Variants in PTPRD observed in about 807,000 individuals in gnomAD.
The protein encoded by PTPRD is receptor-type tyrosine-protein phosphatase delta.
A neutral mutation model predicts 214.5 loss-of-function variants in PTPRD; 34 were observed. That is an observed-to-expected ratio of 0.16 (90% CI 0.12 to 0.21). The LOEUF is 0.21. PTPRD is among the 10% of genes least tolerant of loss of function. PTPRD has a pLI of 1.00. For synonymous variants in PTPRD, 1,128 were observed against 845.7 expected (o/e 1.33, Z -5.79); for missense variants, 2,545 against 2,398.7 (o/e 1.06, Z -1.27).
chr9:9,379,868 G>A (rs912839149), intron 9 of PTPRD, among the ~76,000 whole-genome samples: 1 of 151,796 alleles, frequency 6.6e-6, no homozygotes. Context: ...ATTACCTTTT[G>A]TATCTTAACC....
chr9:9,632,311 T>A (rs1483036589), intron 7 of PTPRD, among the ~76,000 whole-genome samples: 1 of 152,150 alleles, frequency 6.6e-6, no homozygotes, highest in Non-Finnish European at 1.5e-5. Context: ...ATAGGCTGTA[T>A]ATAAATGATT....
intron 4 of PTPRD, among the ~76,000 whole-genome samples, chr9:10,009,395 G>C (rs184122861): frequency 6.6e-6 from 1 of 151,856 alleles, no homozygotes; most frequent in Non-Finnish European, 1.5e-5. Flanking sequence ...GCACGGGTTC[G>C]GTCCAGAAAG....
chr9:9,807,798 T>C (rs2045905515), intron 5 of PTPRD, among the ~76,000 whole-genome samples: 1 of 152,192 alleles, frequency 6.6e-6, no homozygotes, highest in Non-Finnish European at 1.5e-5. Context: ...CTAACATCAT[T>C]AGGGAACTGC....
At chr9:9,917,786 A>C (rs1051000473) in intron 5 of PTPRD, among the ~76,000 whole-genome samples, 1 of 152,130 alleles carries the variant, frequency 6.6e-6, no homozygotes, top group Admixed American at 6.6e-5. Flanking sequence ...GGATGGATTA[A>C]CATGCAAATC....
chr9:9,807,127 G>T (rs138808186), intron 5 of PTPRD, among the ~76,000 whole-genome samples: 1 of 151,886 alleles, frequency 6.6e-6, no homozygotes, highest in Non-Finnish European at 1.5e-5. Context: ...TTTCACTCCC[G>T]CTGCAAAACT....
chr9:9,857,853 T>A (rs1209403039), intron 5 of PTPRD, among the ~76,000 whole-genome samples: 1 of 152,166 alleles, frequency 6.6e-6, no homozygotes, highest in African/African-American at 2.4e-5. Context: ...ATAAGTCTGG[T>A]TGAAGAAAGA....
intron 17 of PTPRD, among the ~76,000 whole-genome samples, chr9:8,525,539 T>C (rs1274355870): frequency 2.0e-5 from 3 of 152,044 alleles, no homozygotes; most frequent in African/African-American, 7.2e-5. Flanking sequence ...AAAATTAAAA[T>C]TAGTCATTAT....
chr9:9,837,094 A>T (rs2056983841), intron 5 of PTPRD, among the ~76,000 whole-genome samples: 1 of 152,132 alleles, frequency 6.6e-6, no homozygotes, highest in African/African-American at 2.4e-5. Flanking sequence ...TGTTATGTGT[A>T]TTAGAGTAAA....
intron 10 of PTPRD, among the ~76,000 whole-genome samples, chr9:9,053,745 G>T (rs1240305119): frequency 1.3e-5 from 2 of 152,062 alleles, no homozygotes; most frequent in East Asian, 3.9e-4. Context: ...TATTAGCCTG[G>T]GTTGTAGTGT....
At chr9:8,810,703 T>G (rs2096784762) in intron 11 of PTPRD, among the ~76,000 whole-genome samples, 1 of 152,190 alleles carries the variant, frequency 6.6e-6, no homozygotes, top group African/African-American at 2.4e-5. Flanking sequence ...CTATTTGAAT[T>G]TTGGTTACCC....
At chr9:10,434,469 T>C (rs1156671551) in intron 2 of PTPRD, among the ~76,000 whole-genome samples, 6 of 152,030 alleles carry the variant, frequency 3.9e-5, no homozygotes, top group Non-Finnish European at 7.4e-5. Context: ...TAGCTCTCCA[T>C]CTTATATTTA....
chr9:8,918,670 G>A (rs1489883288), intron 11 of PTPRD, among the ~76,000 whole-genome samples: 3 of 152,092 alleles, frequency 2.0e-5, no homozygotes, highest in African/African-American at 7.2e-5. Flanking sequence ...CATAAAAGGT[G>A]CTTTTCCTAA....
At chr9:10,055,603 A>G (rs1432061995) in intron 3 of PTPRD, among the ~76,000 whole-genome samples, 1 of 152,070 alleles carries the variant, frequency 6.6e-6, no homozygotes, top group Admixed American at 6.6e-5. Flanking sequence ...TATGGGGGCA[A>G]TTATCACAAT....
intron 14 of PTPRD, among the ~76,000 whole-genome samples, chr9:8,547,319 A>C (rs2080474022): frequency 6.6e-6 from 1 of 152,218 alleles, no homozygotes; most frequent in Non-Finnish European, 1.5e-5. Flanking sequence ...GTAAACACTA[A>C]CTTAAAGGAA....
At chr9:10,567,636 T>C (rs1328778258) in intron 2 of PTPRD, among the ~76,000 whole-genome samples, 1 of 152,038 alleles carries the variant, frequency 6.6e-6, no homozygotes, top group Admixed American at 6.6e-5. Flanking sequence ...GAATAAACTG[T>C]AAAAATCATG....
At chr9:9,203,248 A>G (rs555629532) in intron 9 of PTPRD, among the ~76,000 whole-genome samples, 12 of 150,606 alleles carry the variant, frequency 8.0e-5, no homozygotes, top group Non-Finnish European at 5.9e-5. Context: ...CACACACACA[A>G]ACACACACAC....
At chr9:9,414,384 C>A (rs938355904) in intron 8 of PTPRD, among the ~76,000 whole-genome samples, 3 of 152,092 alleles carry the variant, frequency 2.0e-5, no homozygotes, top group Admixed American at 2.0e-4. Flanking sequence ...AAGGTCTTTG[C>A]ATCAAAAAAT....
chr9:10,017,376 C>T (rs1297655866), intron 4 of PTPRD, among the ~76,000 whole-genome samples: 1 of 151,682 alleles, frequency 6.6e-6, no homozygotes, highest in Admixed American at 6.6e-5. Flanking sequence ...AATTTTTTGG[C>T]TTTACTAATT....
intron 8 of PTPRD, among the ~76,000 whole-genome samples, chr9:9,541,953 A>G (rs1004379361): frequency 6.6e-6 from 1 of 151,862 alleles, no homozygotes; most frequent in Non-Finnish European, 1.5e-5. Context: ...AGTTAGCAGA[A>G]TAAGAGTAAA....
Sources: gnomAD v4.1 joint callset for allele counts (sites outside exome capture counted in the v4.1 genomes callset) on GRCh38, gnomAD v4.1.1 for gene constraint, MANE v1.5 for transcripts, NCBI Gene and HGNC (gene_info 2026-07-23, HGNC 2026-07-21) for gene names.